Variants in WDR41 observed in about 807,000 individuals in gnomAD.
The protein encoded by WDR41 is WD repeat-containing protein 41.
Under a neutral mutation model 69.3 loss-of-function variants are expected in WDR41, and 63 were observed. The observed-to-expected ratio is 0.91, with a 90% CI of 0.74 to 1.12. The LOEUF is 1.12. Among genes scored for constraint, WDR41 ranks in the 50% most tolerant of loss-of-function variants. The pLI, the probability that WDR41 is intolerant of heterozygous loss-of-function variation, is 0.00. For synonymous variants in WDR41, 185 were observed against 192.1 expected (o/e 0.96, Z 0.31); for missense variants, 543 against 534.5 (o/e 1.02, Z -0.16).
chr5:77,467,146 T>TA (rs879745941), intron 2 of WDR41, among the ~76,000 whole-genome samples: 13 of 151,818 alleles, frequency 8.6e-5, no homozygotes, highest in South Asian at 6.2e-4. Context: ...AACTATAAAA[T>TA]AAAAAAAGGA....
intron 2 of WDR41, chr5:77,479,963 C>A (rs1332504100): frequency 2.6e-5 from 4 of 151,886 alleles, no homozygotes; most frequent in East Asian, 1.9e-4. Context: ...CAATGAACTC[C>A]AACAAATTTA....
At chr5:77,514,970 G>A (rs867813626) in intron 1 of WDR41, among the ~76,000 whole-genome samples, 1 of 152,176 alleles carries the variant, frequency 6.6e-6, no homozygotes, top group Non-Finnish European at 1.5e-5. Context: ...GTGAGTGAGA[G>A]GTGAGTGAAT....
At chr5:77,495,479 C>T (rs962105024), upstream of WDR41, among the ~76,000 whole-genome samples, 12 of 151,838 alleles carry the variant, frequency 7.9e-5, no homozygotes, top group South Asian at 2.1e-4. Flanking sequence ...AGGGACTATG[C>T]GACCACTATG....
At chr5:77,437,271 TCTC>T (rs1310878937) in intron 11 of WDR41, 62 bp downstream of exon 11, 5 of 1,325,014 alleles carry the variant, frequency 3.8e-6, no homozygotes, top group Non-Finnish European at 5.4e-6. Context: ...TAATTGTCCT[TCTC>T]CTGCCTTTCA....
chr5:77,486,371 T>C (rs1275543069), intron 2 of WDR41, among the ~76,000 whole-genome samples: 1 of 152,200 alleles, frequency 6.6e-6, no homozygotes, highest in African/African-American at 2.4e-5. Flanking sequence ...GCAGGCTTCT[T>C]CATCTATCTT....
chr5:77,567,683 A>C (rs2112268031), intron 1 of WDR41, among the ~76,000 whole-genome samples: 1 of 151,750 alleles, frequency 6.6e-6, no homozygotes, highest in African/African-American at 2.4e-5. Context: ...AAAAAAAAAA[A>C]ATTAAAACAT....
chr5:77,440,674 G>C, intron 9 of WDR41, 139 bp downstream of exon 9: 1 of 772,006 alleles, frequency 1.3e-6, no homozygotes, highest in Non-Finnish European at 2.0e-6. Context: ...TCCAATTTTA[G>C]AAAAAGACCA....
At position 77,432,361 on chromosome 5, in the gene WDR41, AG is replaced by A. The variant is rs1798755551; in HGVS notation, c.*773del. The A allele has an allele frequency of 6.6e-6, 1 of 152,518 alleles. No individual in the cohort carries two copies. Among genetic ancestry groups the A allele is most frequent in the Non-Finnish European group, 1.5e-5 (1 of 68,048 alleles). 9.4% of individuals were successfully genotyped at this position (152,518 alleles called of 1,614,324 possible). A position where few individuals can be genotyped will look rare whatever the true frequency, so the allele number is the denominator to read the frequency against. Reference sequence around the variant, plus strand: ...TACATAAAAGAAGTCTGTCTCAAGCAGTTCGTATTTGAGTCAGTGGTCAGAT... The same window carrying A: ...TACATAAAAGAAGTCTGTCTCAAGCATTCGTATTTGAGTCAGTGGTCAGAT... On this transcript the variant is annotated 3_prime_UTR_variant, in exon 13 of 13. Coordinates refer to ENST00000296679, the MANE Select transcript of WDR41 (RefSeq NM_018268.4).
At chr5:77,438,089 TAG>T (rs1378118255) in intron 10 of WDR41, 149 bp downstream of exon 10, 3 of 1,112,514 alleles carry the variant, frequency 2.7e-6, no homozygotes, top group African/African-American at 3.1e-5. Flanking sequence ...ACCCTTCTGT[TAG>T]AGACAGCCCT....
At chr5:77,578,953 TAA>T (rs974831315) in intron 1 of WDR41, among the ~76,000 whole-genome samples, 1 of 147,722 alleles carries the variant, frequency 6.8e-6, no homozygotes, top group African/African-American at 2.5e-5. Context: ...ATAGAAACTA[TAA>T]AAAAGAGTCA....
chr5:77,487,091 G>T (rs1801558190), intron 2 of WDR41, among the ~76,000 whole-genome samples: 1 of 152,162 alleles, frequency 6.6e-6, no homozygotes, highest in South Asian at 2.1e-4. Context: ...GATAGGAATA[G>T]CCAAGAGGAT....
chr5:77,438,950 A>C (rs1269322785), intron 9 of WDR41, among the ~76,000 whole-genome samples: 8 of 152,250 alleles, frequency 5.3e-5, no homozygotes, highest in African/African-American at 1.9e-4. Flanking sequence ...AAGCATTTTC[A>C]CTAATACTTA....
intron 3 of WDR41, among the ~76,000 whole-genome samples, chr5:77,463,719 A>C (rs1296844951): frequency 6.6e-6 from 1 of 152,216 alleles, no homozygotes; most frequent in Admixed American, 6.6e-5. Context: ...CTCCATCGTT[A>C]TTTAACACCA....
chr5:77,612,114 G>A (rs1368940740), intron 1 of WDR41, among the ~76,000 whole-genome samples: 1 of 152,162 alleles, frequency 6.6e-6, no homozygotes, highest in Non-Finnish European at 1.5e-5. Context: ...TCTCTGAATA[G>A]ACCAATAACA....
intron 1 of WDR41, among the ~76,000 whole-genome samples, chr5:77,501,643 A>T (rs532214979): frequency 6.6e-6 from 1 of 152,242 alleles, no homozygotes; most frequent in East Asian, 1.9e-4. Flanking sequence ...CAGACACCTC[A>T]TATAGGTGGA....
Position 77,587,097 on chromosome 5 carries a change from AG to A in WDR41, c.42+33381del, listed in dbSNP as rs1744055489. ...TATTGAACATTTCTAGTACCCCCAA[AG>A]CTTCTCTCTTGCCCCTTCTCAGTGA... On this transcript the variant is annotated intron_variant, in intron 1 of 5. Coordinates refer to the WDR41 transcript ENST00000509971. Among the ~76,000 whole-genome samples the A allele has an allele frequency of 8.1e-5, 6 of 74,232 alleles. No homozygotes were observed. In the South Asian group the frequency reaches 3.5e-3, roughly 43 times the overall value. The allele number at this position is 74,232 out of a possible 152,430, so 48.7% of individuals were successfully genotyped here.
At chr5:77,549,798 GC>G in intron 1 of WDR41, among the ~76,000 whole-genome samples, 2 of 152,102 alleles carry the variant, frequency 1.3e-5, no homozygotes, top group East Asian at 3.9e-4. Flanking sequence ...GCAATCCTAA[GC>G]AAAAAGAGTG....
chr5:77,559,151 A>C (rs1166940165), intron 1 of WDR41, among the ~76,000 whole-genome samples: 2 of 152,292 alleles, frequency 1.3e-5, no homozygotes, highest in East Asian at 3.9e-4. Flanking sequence ...TAGAGAGGGA[A>C]ATAGCCTTGA....
chr5:77,438,346 C>CAATTCATTCTAGGGGAA lies in WDR41; in HGVS notation c.897_898insTTCCCCTAGAATGAATT (p.Val300PhefsTer3), dbSNP rs765729771. The CAATTCATTCTAGGGGAA allele has an allele frequency of 6.2e-7, 1 of 1,613,892 alleles. No individual in the cohort carries two copies. The stretch of plus-strand genomic sequence containing the variant: ...CTATACACGTATAAACCCCTTCCAA[C>CAATTCATTCTAGGGGAA]TGCAGCAAATACATTCTAGGGGAAG... On this transcript the variant is annotated stop_gained and frameshift_variant, in exon 10 of 13. Transcript: ENST00000296679. LOFTEE classifies it high-confidence loss of function.
Sources: gnomAD v4.1 joint callset for allele counts (sites outside exome capture counted in the v4.1 genomes callset) on GRCh38, gnomAD v4.1.1 for gene constraint, MANE v1.5 for transcripts, NCBI Gene and HGNC (gene_info 2026-07-23, HGNC 2026-07-21) for gene names.